Variants in FTCD observed in about 807,000 individuals in gnomAD.
FTCD encodes the protein formimidoyltransferase-cyclodeaminase.
In FTCD, 76 loss-of-function variants were observed where a neutral mutation model predicts 62.9. The ratio of observed to expected loss-of-function variants is 1.21; its 90% CI spans 1.00 to 1.46. The LOEUF (loss-of-function observed/expected upper bound fraction) is 1.46. Among genes scored for constraint, FTCD ranks in the 40% most tolerant of loss-of-function variants. The probability of loss-of-function intolerance (pLI) is 0.00; values close to 1 mark genes in which losing one functional copy is unlikely to be tolerated. For synonymous variants in FTCD, 397 were observed against 336.9 expected, an observed-to-expected ratio of 1.18 and a Z score of -1.95; for missense variants, 845 against 751.3, an observed-to-expected ratio of 1.12 and a Z score of -1.46.
intron 3 of FTCD, 134 bp from the exon 4 acceptor site, chr21:46,152,114 C>T: frequency 3.1e-6 from 2 of 643,636 alleles, no homozygotes; most frequent in South Asian, 3.9e-5. Flanking sequence ...CTGGGGAGTG[C>T]CCGTTCTCCG....
Position 46,155,556 on chromosome 21 carries a change from G to C in FTCD, c.-33C>G, listed in dbSNP as rs2277821. 1 of 1,599,118 alleles carries C rather than the reference G, an allele frequency of 6.3e-7. No individual in the cohort carries two copies. The highest frequency in any genetic ancestry group is 1.3e-5 in the African/African-American group (1 of 74,684). ...ACCTTGATCCAGATGCTCCTCTCTG[G>C]GCAGATGGAAGGACAGGGCCAGTGC... On this transcript the variant is annotated 5_prime_UTR_variant, in exon 1 of 14. Coordinates refer to ENST00000397746, the MANE Select transcript of FTCD (RefSeq NM_206965.2).
chr21:46,138,672 A>G (rs60525628), intron 11 of FTCD, 26 bp from the exon 12 acceptor site: 727,125 of 1,584,370 alleles, frequency 0.46, 171,619 homozygotes, highest in African/African-American at 0.6. Context: ...GGAGAGCCTG[A>G]GCACAGCGGC....
At chr21:46,153,257 C>G (rs2079345907) in intron 2 of FTCD, among the ~76,000 whole-genome samples, 1 of 152,230 alleles carries the variant, frequency 6.6e-6, no homozygotes, top group Non-Finnish European at 1.5e-5. Flanking sequence ...AGTTCCCGCA[C>G]CGTCCTCCCA....
In FTCD at chr21:46,151,520, G is replaced by A. The variant is rs750018750; in HGVS notation, c.636+38C>T. Reference sequence around the variant, plus strand: ...TCAGCCTCTAACCCTTTCCCGAGGGGCTGGGTGGGGCTCCATGGGGTCAGT... The same window carrying A: ...TCAGCCTCTAACCCTTTCCCGAGGGACTGGGTGGGGCTCCATGGGGTCAGT... On this transcript the variant is annotated intron_variant, in intron 5 of 13. Coordinates refer to ENST00000397746, the MANE Select transcript of FTCD (RefSeq NM_206965.2). The A allele has an allele frequency of 2.5e-6, 4 of 1,571,982 alleles. No individual in the cohort carries two copies. The South Asian group carries it at 4.4e-5, about 17-fold the overall frequency.
intron 1 of FTCD, 100 bp downstream of exon 1, chr21:46,155,370 A>G (rs1229905609): frequency 1.8e-5 from 18 of 1,000,002 alleles, no homozygotes; most frequent in Non-Finnish European, 2.8e-5. Flanking sequence ...TGGGAAGACG[A>G]CCCGGGACAC....
chr21:46,153,330 T>C (rs1266973590), intron 2 of FTCD, among the ~76,000 whole-genome samples: 1 of 152,178 alleles, frequency 6.6e-6, no homozygotes, highest in Non-Finnish European at 1.5e-5. Context: ...GTCTGGCATC[T>C]CTGGGATAAA....
intron 10 of FTCD, chr21:46,142,017 G>A (rs996016015): frequency 2.0e-5 from 3 of 152,418 alleles, no homozygotes; most frequent in South Asian, 2.1e-4. Context: ...GAGCTCTGAG[G>A]CAGCAAGAGA....
chr21:46,145,414 C>T lies in FTCD; in HGVS notation c.1260+3G>A, dbSNP rs2079115776. On this transcript the variant is annotated splice_donor_region_variant and intron_variant, in intron 10 of 13. Coordinates refer to ENST00000397746, the MANE Select transcript of FTCD (RefSeq NM_206965.2). ...GGGGAGCCCTGCTGTGGCCGCCACT[C>T]ACCAGGTAGGCGGTGAAGGCCTCGG... The T allele has an allele frequency of 1.3e-6, 2 of 1,545,264 alleles. No homozygotes were observed. Among genetic ancestry groups the T allele is most frequent in the Middle Eastern group, 1.7e-4 (1 of 5,738 alleles).
Position 46,150,256 on chromosome 21 carries a change from A to G in FTCD, c.775-6T>C, listed in dbSNP as rs2123555612. On this transcript the variant is annotated splice_region_variant and splice_polypyrimidine_tract_variant and intron_variant, in intron 6 of 13. Coordinates refer to ENST00000397746, the MANE Select transcript of FTCD (RefSeq NM_206965.2). ...ACCACTGGGAGGCTCAGCTCCTGCC[A>G]AGGCACAGGCAGCGTCACCCCCTGG... The G allele has an allele frequency of 1.2e-6, 2 of 1,609,462 alleles. No individual in the cohort carries two copies. Among genetic ancestry groups the G allele is most frequent in the East Asian group, 2.2e-5 (1 of 44,796 alleles).
intron 2 of FTCD, among the ~76,000 whole-genome samples, chr21:46,153,273 T>C (rs2079346619): frequency 6.6e-6 from 1 of 152,138 alleles, no homozygotes. Context: ...TCCCAGCCAG[T>C]GTGGGGGAGG....
At chr21:46,142,508 G>T (rs1044947757) in intron 10 of FTCD, 1 of 152,196 alleles carries the variant, frequency 6.6e-6, no homozygotes, top group African/African-American at 2.4e-5. Flanking sequence ...GCTCTTACAG[G>T]TGGCGCGTAG....
rs762273298 is a variant in FTCD at position 46,138,495 on chromosome 21, C to G, written c.1443+13G>C. On this transcript the variant is annotated intron_variant, in intron 12 of 13. Coordinates refer to ENST00000397746, the MANE Select transcript of FTCD (RefSeq NM_206965.2). ...TTGCGGCAGGAGGCCTGGGGTCCCC[C>G]GGGCCCCCCTACCTGGAGGTCTGAC... 3.2e-6 allele frequency: 5 copies of G among 1,576,728 alleles called. No homozygotes were observed. The highest frequency in any genetic ancestry group is 1.8e-5 in the Admixed American group (1 of 56,344).
At chr21:46,146,186 G>C (rs1287687654) in intron 8 of FTCD, 80 bp downstream of exon 8, 2 of 1,036,628 alleles carry the variant, frequency 1.9e-6, no homozygotes, top group African/African-American at 3.2e-5. Flanking sequence ...GGGTCTCCAC[G>C]CAGGGACCCC....
intron 8 of FTCD, 53 bp from the exon 9 acceptor site, chr21:46,146,000 C>T: frequency 8.7e-7 from 1 of 1,153,542 alleles, no homozygotes; most frequent in African/African-American, 1.6e-5. Flanking sequence ...GGGGGGAGCG[C>T]AGTCCTCCCG....
At chr21:46,146,461 G>A in intron 7 of FTCD, 134 bp from the exon 8 acceptor site, 1 of 691,616 alleles carries the variant, frequency 1.4e-6, no homozygotes, top group Admixed American at 2.1e-5. Context: ...GGGGAGCAGG[G>A]CAGGGGCGTG....
chr21:46,152,702 TGAGGAGGCCCCGGGCCTGCACGGCCGCA>T (rs1206976207), intron 3 of FTCD, 177 bp downstream of exon 3: 1 of 534,918 alleles, frequency 1.9e-6, no homozygotes, highest in East Asian at 3.0e-5. Context: ...CGGTGTAGTC[TGAGGAGGCCCCGGGCCTGCACGGCCGCA>T]GGCGAGGCTG....
At chr21:46,137,415 G>A (rs1601288885) in intron 12 of FTCD, 81 bp from the exon 13 acceptor site, 2 of 1,081,812 alleles carry the variant, frequency 1.8e-6, no homozygotes, top group East Asian at 2.4e-5. Flanking sequence ...GACGGGCTCT[G>A]GGACAGGCCG....
chr21:46,153,613 A>T (rs2079357181), intron 2 of FTCD, among the ~76,000 whole-genome samples: 2 of 152,168 alleles, frequency 1.3e-5, no homozygotes, highest in African/African-American at 4.8e-5. Flanking sequence ...AGGGCTGGCC[A>T]CTTAGAGATA....
In FTCD at chr21:46,138,884, C is replaced by T. The variant is rs776145979; in HGVS notation, c.1300G>A (p.Asp434Asn). The stretch of plus-strand genomic sequence containing the variant: ...CGGCCGGCCCTCCAGGCTCACCTGT[C>T]CTTTTCCTCAGGTGTGTTCTTGGGG... Reference protein sequence around the residue: ...RLPKNTPEEKDRRTAALQEGL... With the variant: ...RLPKNTPEEKNRRTAALQEGL... Residue 434 changes from aspartate to asparagine, a missense_variant, in exon 11 of 14, where the codon GAC (aspartate) becomes AAC (asparagine). Coordinates refer to ENST00000397746, the MANE Select transcript of FTCD (RefSeq NM_206965.2). 1 of 1,612,302 alleles carries T rather than the reference C, an allele frequency of 6.2e-7. No individual in the cohort carries two copies. Among genetic ancestry groups the T allele is most frequent in the Non-Finnish European group, 8.5e-7 (1 of 1,178,492 alleles).
Sources: gnomAD v4.1 joint callset for allele counts (sites outside exome capture counted in the v4.1 genomes callset) on GRCh38, gnomAD v4.1.1 for gene constraint, MANE v1.5 for transcripts, NCBI Gene and HGNC (gene_info 2026-07-23, HGNC 2026-07-21) for gene names.